The following HERC2 variants were observed in gnomAD, a reference collection of about 807,000 sequenced individuals.
The protein encoded by HERC2 is HECT and RLD domain containing E3 ubiquitin protein ligase 2, also known as E3 ubiquitin-protein ligase HERC2.
HERC2 carries 102 observed loss-of-function variants against 537.7 expected under a neutral mutation model. The ratio of observed to expected loss-of-function variants is 0.19; its 90% CI spans 0.16 to 0.22. The LOEUF is 0.22. HERC2 is among the 10% of genes least tolerant of loss of function. The probability of loss-of-function intolerance (pLI) is 1.00; values close to 1 mark genes in which losing one functional copy is unlikely to be tolerated. For missense variants in HERC2, 4,236 were observed against 6,198.2 expected (o/e 0.68, Z 10.63); for synonymous variants, 2,224 against 2,466.2 (o/e 0.90, Z 2.91).
chr15:28,274,461 C>T lies in HERC2; in HGVS notation c.644-14G>A, dbSNP rs773926105. 28 of 1,598,436 alleles carry T rather than the reference C, an allele frequency of 1.8e-5. No homozygotes were observed. Among genetic ancestry groups the T allele is most frequent in the Middle Eastern group, 1.7e-4 (1 of 5,774 alleles). On this transcript the variant is annotated splice_polypyrimidine_tract_variant and intron_variant, in intron 6 of 92. Coordinates refer to ENST00000261609, the MANE Select transcript of HERC2 (RefSeq NM_004667.6). ...CCGCATCCTCGCCTGGGCGCACACACGCGTCAGAGGAGCCCCCCCACTCCC... is the reference window on the plus strand; with the variant it reads ...CCGCATCCTCGCCTGGGCGCACACATGCGTCAGAGGAGCCCCCCCACTCCC...
intron 68 of HERC2, among the ~76,000 whole-genome samples, chr15:28,164,503 A>C (rs915161064): frequency 5.9e-5 from 9 of 152,084 alleles, no homozygotes; most frequent in Admixed American, 5.9e-4. Context: ...ATTAACAAGA[A>C]TATCTTTAGT....
intron 35 of HERC2, among the ~76,000 whole-genome samples, chr15:28,227,482 A>C (rs78127342): frequency 3.3e-4 from 50 of 150,362 alleles, no homozygotes; most frequent in East Asian, 3.9e-4. Flanking sequence ...AAAAAAAAAA[A>C]CACAAAAAAT....
At chr15:28,254,625 T>C in intron 19 of HERC2, 107 bp from the exon 20 acceptor site, 1 of 675,194 alleles carries the variant, frequency 1.5e-6, no homozygotes, top group Non-Finnish European at 2.4e-6. Flanking sequence ...CCAGCCTCTG[T>C]GGCTAATGCA....
rs1432702452 is a variant in HERC2 at position 28,213,928 on chromosome 15, C to T, written c.6600G>A (p.Val2200=). Residue 2200 remains valine (V), a synonymous_variant, in exon 42 of 93, where the codon GTG becomes GTA. Transcript: ENST00000261609. ...CAGCCAGGACTGCCATGAGGCCCCC[C>T]ACTTCAGGGTTCTCGGAGTCGGGGA... ...DYFPDSENPE[V]GGLMAVLAVI... is the part of the protein sequence containing the mutation. 2.5e-6 allele frequency: 4 copies of T among 1,614,016 alleles called. No individual in the cohort carries two copies. In the African/African-American group the frequency reaches 4.0e-5, roughly 16 times the overall value.
chr15:28,163,069 C>T (rs375051583), intron 69 of HERC2, 25 bp downstream of exon 69: 135 of 1,581,596 alleles, frequency 8.5e-5, no homozygotes, highest in African/African-American at 3.2e-4. Flanking sequence ...TGGAATCAGA[C>T]GGCCCCGCCC....
Position 28,168,415 on chromosome 15 carries a change from T to C in HERC2, c.10405A>G (p.Lys3469Glu). ...DRLSPNPWQE[K>E]REIVSSEDAV... Reference sequence around the variant, plus strand: ...TTTAGATTCGCTTTTACCTCTCTCTTTTCTTGCCATGGATTTGGACTCAGT... The same window carrying C: ...TTTAGATTCGCTTTTACCTCTCTCTCTTCTTGCCATGGATTTGGACTCAGT... Residue 3469 changes from lysine to glutamate, a missense_variant, in exon 67 of 93, where the codon AAG (lysine) becomes GAG (glutamate). By Grantham distance (56) the Lys-to-Glu change is moderately conservative (BLOSUM62 1). Coordinates refer to ENST00000261609, the MANE Select transcript of HERC2 (RefSeq NM_004667.6). 1 of 1,613,694 alleles carries C rather than the reference T, an allele frequency of 6.2e-7. No homozygotes were observed. Among genetic ancestry groups the C allele is most frequent in the East Asian group, 2.2e-5 (1 of 44,858 alleles).
chr15:28,255,578 T>C (rs1035748047), intron 19 of HERC2, among the ~76,000 whole-genome samples: 11 of 152,096 alleles, frequency 7.2e-5, no homozygotes, highest in Non-Finnish European at 1.5e-4. Context: ...CAGGGGAGTA[T>C]CCTGGCTGCA....
At position 28,198,510 on chromosome 15, in the gene HERC2, A is replaced by G. The variant is rs746142130; in HGVS notation, c.7886-7T>C. ...GAACTTGGTGGAGGATAGCCTACAG[A>G]TGTCAATAACAAATCATTATAATCA... is the stretch of plus-strand genomic sequence containing the variant. On this transcript the variant is annotated splice_region_variant and splice_polypyrimidine_tract_variant and intron_variant, in intron 49 of 92. Transcript: ENST00000261609. The G allele has an allele frequency of 4.3e-6, 7 of 1,613,292 alleles. No individual in the cohort carries two copies. The highest frequency in any genetic ancestry group is 5.1e-6 in the Non-Finnish European group (6 of 1,179,882).
chr15:28,174,199 C>T (rs1364406001), intron 65 of HERC2, among the ~76,000 whole-genome samples, 196 bp downstream of exon 65: 1 of 151,866 alleles, frequency 6.6e-6, no homozygotes, highest in Non-Finnish European at 1.5e-5. Flanking sequence ...GAATCAGCAA[C>T]ATACTTTCTT....
At chr15:28,165,737 C>G (rs190546268) in intron 68 of HERC2, among the ~76,000 whole-genome samples, 82 of 152,112 alleles carry the variant, frequency 5.4e-4, no homozygotes, top group African/African-American at 1.9e-3. Context: ...GAGGTTGAGG[C>G]TGCAGTGAGC....
chr15:28,164,130 T>C (rs1893896867), intron 68 of HERC2, among the ~76,000 whole-genome samples: 1 of 152,200 alleles, frequency 6.6e-6, no homozygotes, highest in Non-Finnish European at 1.5e-5. Flanking sequence ...CAGGAGTGTG[T>C]CAAGCCCTTC....
chr15:28,214,896 A>T (rs1418613945), intron 39 of HERC2, 94 bp from the exon 40 acceptor site: 13 of 1,065,998 alleles, frequency 1.2e-5, no homozygotes, highest in African/African-American at 1.6e-5. Flanking sequence ...TTTTTGAGAC[A>T]GAGTCTCACA....
chr15:28,201,229 G>A (rs1469213759), intron 48 of HERC2, among the ~76,000 whole-genome samples: 1 of 152,150 alleles, frequency 6.6e-6, no homozygotes, highest in African/African-American at 2.4e-5. Flanking sequence ...TCCCTGTAAT[G>A]TGCCCTCACT....
chr15:28,285,803 CAAA>C (rs3079904), intron 4 of HERC2, among the ~76,000 whole-genome samples: 4 of 72,372 alleles, frequency 5.5e-5, no homozygotes, highest in African/African-American at 8.7e-5. Flanking sequence ...GCATGACTGA[CAAA>C]AAAAAAAAAA....
intron 44 of HERC2, among the ~76,000 whole-genome samples, 189 bp from the exon 45 acceptor site, chr15:28,206,571 C>T (rs541911381): frequency 7.3e-5 from 11 of 151,544 alleles, no homozygotes; most frequent in Non-Finnish European, 1.6e-4. Flanking sequence ...CGGTGGCTCA[C>T]GCGTGTAATC....
At chr15:28,279,672 G>A (rs2075972197) in intron 5 of HERC2, among the ~76,000 whole-genome samples, 1 of 147,848 alleles carries the variant, frequency 6.8e-6, no homozygotes, top group East Asian at 2.0e-4. Context: ...ATTTAGCCAG[G>A]CATGGTGGCA....
At chr15:28,112,099 C>T in intron 92 of HERC2, 64 bp from the exon 93 acceptor site, 2 of 1,483,844 alleles carry the variant, frequency 1.3e-6, no homozygotes, top group East Asian at 4.6e-5. Flanking sequence ...TTACTGTGCT[C>T]ATTAGACTCT....
At chr15:28,168,785 C>T (rs760079132) in intron 66 of HERC2, among the ~76,000 whole-genome samples, 195 bp from the exon 67 acceptor site, 1 of 152,216 alleles carries the variant, frequency 6.6e-6, no homozygotes, top group Non-Finnish European at 1.5e-5. Context: ...ACTCTGGATC[C>T]TATTTATTTG....
intron 23 of HERC2, 78 bp downstream of exon 23, chr15:28,245,799 ATTCT>A: frequency 8.3e-7 from 1 of 1,208,600 alleles, no homozygotes; most frequent in East Asian, 2.3e-5. Flanking sequence ...TTTGTAAAGT[ATTCT>A]TTCAAATTGA....
Sources: gnomAD v4.1 joint callset for allele counts (sites outside exome capture counted in the v4.1 genomes callset) on GRCh38, gnomAD v4.1.1 for gene constraint, MANE v1.5 for transcripts, NCBI Gene and HGNC (gene_info 2026-07-23, HGNC 2026-07-21) for gene names.